The following PCDH11X variants were observed in gnomAD, a reference collection of about 807,000 sequenced individuals.
The protein encoded by PCDH11X is protocadherin-11 X-linked.
A neutral mutation model predicts 53.3 loss-of-function variants in PCDH11X; 18 were observed. The observed-to-expected ratio is 0.34, with a 90% CI of 0.23 to 0.50. The LOEUF (loss-of-function observed/expected upper bound fraction) is 0.50, where lower values mean the gene tolerates loss of function less well. Ranked by LOEUF, PCDH11X falls within the 20% of genes least tolerant of loss-of-function variation. The pLI is 0.98. For missense variants in PCDH11X, 570 were observed against 1,032.4 expected (o/e 0.55, Z 6.14); for synonymous variants, 279 against 393.3 (o/e 0.71, Z 3.44).
rs150363082 is a variant in PCDH11X, at chrX:92,394,072, C to T, written c.3343+6139C>T. Among the ~76,000 whole-genome samples the T allele has an allele frequency of 9.6e-3, 1,064 of 110,502 alleles. 12 individuals carry two copies. The highest frequency in any genetic ancestry group is 0.03 in the African/African-American group (904 of 30,524). ...TAAGAGATGCAATCTCAATGTAGAC[C>T]AATTGAAAAATGACTGCTAATTTGG... On this transcript the variant is annotated intron_variant, in intron 9 of 10. Coordinates refer to ENST00000682573, the MANE Select transcript of PCDH11X (RefSeq NM_032968.5).
At chrX:92,408,105 G>A (rs1331046615) in intron 9 of PCDH11X, among the ~76,000 whole-genome samples, 3 of 110,559 alleles carry the variant, frequency 2.7e-5, no homozygotes, top group Non-Finnish European at 3.8e-5. Flanking sequence ...AGCTGGTCTC[G>A]AACTCCTGAC....
intron 6 of PCDH11X, among the ~76,000 whole-genome samples, chrX:92,063,790 C>T (rs2063561941): frequency 1.8e-5 from 2 of 111,075 alleles, no homozygotes; most frequent in Admixed American, 1.9e-4. Flanking sequence ...AGTTGACTGG[C>T]TTTGTTTCTG....
At chrX:92,125,841 T>C (rs2064851065) in intron 6 of PCDH11X, among the ~76,000 whole-genome samples, 3 of 110,209 alleles carry the variant, frequency 2.7e-5, no homozygotes, top group African/African-American at 9.9e-5. Context: ...AAAAGTAAAC[T>C]TGAGGCTGGG....
intron 10 of PCDH11X, among the ~76,000 whole-genome samples, chrX:92,573,667 T>G (rs992106645): frequency 9.1e-6 from 1 of 110,494 alleles, no homozygotes; most frequent in Admixed American, 9.8e-5. Flanking sequence ...GTCTTTAAAT[T>G]TTGCCAGTTT....
chrX:92,034,486 A>G (rs2063098326), intron 6 of PCDH11X, among the ~76,000 whole-genome samples: 1 of 107,794 alleles, frequency 9.3e-6, no homozygotes, highest in African/African-American at 3.4e-5. Context: ...CTTTATCATT[A>G]TACTATAACC....
chrX:92,456,142 A>G (rs1399767887), intron 9 of PCDH11X, among the ~76,000 whole-genome samples: 5 of 111,580 alleles, frequency 4.5e-5, no homozygotes, highest in Non-Finnish European at 9.4e-5. Flanking sequence ...GGGATCGGGG[A>G]TATATATTTT....
chrX:91,823,592 G>A (rs771023469), intron 4 of PCDH11X, among the ~76,000 whole-genome samples: 27 of 111,440 alleles, frequency 2.4e-4, no homozygotes, highest in Admixed American at 2.4e-3. Context: ...TGGGCTTCCT[G>A]AATACAGCAC....
intron 10 of PCDH11X, among the ~76,000 whole-genome samples, chrX:92,492,232 A>G (rs889493598): frequency 8.9e-6 from 1 of 112,015 alleles, no homozygotes; most frequent in African/African-American, 3.2e-5. Context: ...CTCTGGATAC[A>G]ATTTGAAGAA....
At chrX:91,874,013 C>T (rs1227080868) in intron 5 of PCDH11X, among the ~76,000 whole-genome samples, 1 of 111,044 alleles carries the variant, frequency 9.0e-6, no homozygotes, top group Non-Finnish European at 1.9e-5. Flanking sequence ...TGTTTACTCA[C>T]CACCATGACC....
chrX:92,572,194 ACTT>A (rs1229541829), intron 10 of PCDH11X, among the ~76,000 whole-genome samples: 2 of 112,142 alleles, frequency 1.8e-5, no homozygotes, highest in Non-Finnish European at 3.8e-5. Context: ...TCACTATGAA[ACTT>A]CTTATTGCAA....
chrX:91,837,325 A>G (rs999906830), intron 5 of PCDH11X, among the ~76,000 whole-genome samples: 3 of 112,162 alleles, frequency 2.7e-5, no homozygotes, highest in African/African-American at 6.5e-5. Context: ...GAACTCTTGA[A>G]TACTGTTGGT....
intron 1 of PCDH11X, among the ~76,000 whole-genome samples, chrX:91,807,676 A>C (rs1936166688): frequency 9.0e-6 from 1 of 111,663 alleles, no homozygotes; most frequent in Non-Finnish European, 1.9e-5. Flanking sequence ...AAATCATTCT[A>C]GGAGGAAAAA....
Position 92,529,099 on chromosome X carries a change from T to C in PCDH11X, c.3367+60777T>C, listed in dbSNP as rs374575253. Among the ~76,000 whole-genome samples the C allele has an allele frequency of 2.7e-5, 3 of 111,676 alleles. No homozygotes were observed. The East Asian group carries it at 8.5e-4, about 32-fold the overall frequency. ...TTCACACTGTGGAAAGTTGCCATTT[T>C]TATGGGTTTATAGGATGAAAAAATT... is the stretch of plus-strand genomic sequence containing the variant. On this transcript the variant is annotated intron_variant, in intron 10 of 10. Coordinates refer to ENST00000682573, the MANE Select transcript of PCDH11X (RefSeq NM_032968.5).
chrX:92,123,255 G>A (rs2148182420), intron 6 of PCDH11X, among the ~76,000 whole-genome samples: 1 of 111,330 alleles, frequency 9.0e-6, no homozygotes, highest in African/African-American at 3.3e-5. Flanking sequence ...ACTCACCACA[G>A]CATGTTCTTA....
intron 6 of PCDH11X, among the ~76,000 whole-genome samples, chrX:92,012,182 T>C (rs2062703593): frequency 9.2e-6 from 1 of 109,267 alleles, no homozygotes. Context: ...CAGATGTGTG[T>C]TCATAAAGAC....
chrX:91,837,049 A>G (rs1251206857), intron 5 of PCDH11X, among the ~76,000 whole-genome samples: 3 of 106,609 alleles, frequency 2.8e-5, no homozygotes, highest in East Asian at 5.9e-4. Context: ...CTGCCAAACT[A>G]TGATCTATAT....
intron 6 of PCDH11X, among the ~76,000 whole-genome samples, chrX:92,124,531 G>A (rs1335067200): frequency 9.7e-6 from 1 of 102,900 alleles, no homozygotes; most frequent in East Asian, 3.0e-4. Flanking sequence ...GGCAACAAGA[G>A]CAAAACTCCA....
chrX:91,923,706 A>T (rs753112444), intron 6 of PCDH11X, among the ~76,000 whole-genome samples: 4 of 108,466 alleles, frequency 3.7e-5, no homozygotes, highest in African/African-American at 1.3e-4. Context: ...TTCCCTTCAT[A>T]TATACATATA....
intron 10 of PCDH11X, among the ~76,000 whole-genome samples, chrX:92,505,659 C>G: frequency 1.8e-5 from 2 of 110,885 alleles, no homozygotes. Context: ...TTATTTTTGC[C>G]TAGGATTGCT....
Sources: allele counts gnomAD v4.1 joint callset (sites outside exome capture counted in the v4.1 genomes callset), GRCh38; gene constraint gnomAD v4.1.1; transcripts MANE v1.5; gene names NCBI Gene and HGNC (gene_info 2026-07-23, HGNC 2026-07-21).